PALLD: variants seen among roughly 807,000 people sequenced by gnomAD.
The protein encoded by PALLD is palladin, cytoskeletal associated protein, also known as palladin.
PALLD carries 61 observed loss-of-function variants against 123.5 expected under a neutral mutation model. The observed-to-expected ratio is 0.49, with a 90% confidence interval of 0.40 to 0.61. The LOEUF is 0.61. Ranked by LOEUF, PALLD falls within the 20% of genes least tolerant of loss-of-function variation. PALLD has a pLI of 0.00. For synonymous variants in PALLD, 465 were observed against 496.4 expected (o/e 0.94, Z 0.84); for missense variants, 1,273 against 1,377.0 (o/e 0.92, Z 1.20).
At chr4:168,888,126 G>T (rs550957947) in intron 10 of PALLD, among the ~76,000 whole-genome samples, 1 of 152,146 alleles carries the variant, frequency 6.6e-6, no homozygotes, top group African/African-American at 2.4e-5. Context: ...AACTATGCAC[G>T]TGTTTGTTAA....
chr4:168,610,535 C>G (rs1773629625), intron 2 of PALLD, among the ~76,000 whole-genome samples: 1 of 151,700 alleles, frequency 6.6e-6, no homozygotes, highest in Admixed American at 6.5e-5. Flanking sequence ...TTATCAGTCT[C>G]TCATGGAGCA....
intron 10 of PALLD, among the ~76,000 whole-genome samples, chr4:168,712,449 A>T (rs1203981496): frequency 6.6e-6 from 1 of 152,172 alleles, no homozygotes; most frequent in African/African-American, 2.4e-5. Flanking sequence ...CGCCCTTCAC[A>T]ACACAGGCTA....
chr4:168,592,201 G>A (rs1416525394), intron 2 of PALLD, among the ~76,000 whole-genome samples: 2 of 151,798 alleles, frequency 1.3e-5, no homozygotes, highest in Admixed American at 1.3e-4. Context: ...TAGATATGGG[G>A]TTTTAGCAGA....
At chr4:168,643,548 T>C (rs1206940436) in intron 2 of PALLD, among the ~76,000 whole-genome samples, 1 of 152,114 alleles carries the variant, frequency 6.6e-6, no homozygotes, top group Non-Finnish European at 1.5e-5. Flanking sequence ...ACCCAACACA[T>C]CCTGCCAATG....
rs78831537 is a variant in PALLD, at chr4:168,774,902, C to T, written c.1964+62979C>T. Among the ~76,000 whole-genome samples, 757 of 151,954 alleles carry T rather than the reference C, an allele frequency of 5.0e-3. 5 individuals are homozygous for T. The highest frequency in any genetic ancestry group is 0.017 in the African/African-American group (690 of 41,424). On this transcript the variant is annotated intron_variant, in intron 10 of 21. Transcript: ENST00000505667. ...AGGTTTTATATAAATGGAATCTTTC[C>T]GTATATACTCTTTTTGTTTGATTTC... is the stretch of plus-strand genomic sequence containing the variant.
chr4:168,561,264 T>TC (rs1767832963), intron 2 of PALLD, among the ~76,000 whole-genome samples: 2 of 151,994 alleles, frequency 1.3e-5, no homozygotes, highest in African/African-American at 2.4e-5. Flanking sequence ...TTCTTTTTTT[T>TC]TCTCTCTCTC....
chr4:168,807,633 T>C (rs1359427013), intron 10 of PALLD, among the ~76,000 whole-genome samples: 2 of 151,988 alleles, frequency 1.3e-5, no homozygotes, highest in Non-Finnish European at 2.9e-5. Flanking sequence ...GGTCTCAAAC[T>C]CCTGACCTCA....
chr4:168,736,938 A>T (rs940502175), intron 10 of PALLD, among the ~76,000 whole-genome samples: 3 of 152,224 alleles, frequency 2.0e-5, no homozygotes, highest in Admixed American at 6.5e-5. Flanking sequence ...ATTCAAAGAT[A>T]GGAAACGAGA....
chr4:168,532,980 G>T (rs1165553079), intron 2 of PALLD, among the ~76,000 whole-genome samples: 1 of 152,106 alleles, frequency 6.6e-6, no homozygotes, highest in Non-Finnish European at 1.5e-5. Flanking sequence ...AATTCTAAAA[G>T]CTTCTAAAGA....
chr4:168,512,119 G>C lies in PALLD; in HGVS notation c.615G>C (p.Leu205=), dbSNP rs748838534. The part of the protein sequence containing the change: ...GESSSPDSGY[L]SPKNQPSALL... ...CCTCGTCACCAGACAGTGGGTACCTGTCTCCTAAAAATCAGCCGTCAGCCC... is the reference window on the plus strand; with the variant it reads ...CCTCGTCACCAGACAGTGGGTACCTCTCTCCTAAAAATCAGCCGTCAGCCC... The change falls in exon 2 of 22, where the codon CTG becomes CTC. Residue 205 remains leucine (L), a synonymous_variant. Coordinates refer to ENST00000505667, the MANE Select transcript of PALLD (RefSeq NM_001166108.2). 21 of 1,614,088 alleles carry C rather than the reference G, an allele frequency of 1.3e-5. No homozygotes were observed. The highest frequency in any genetic ancestry group is 1.8e-5 in the Non-Finnish European group (21 of 1,180,044).
intron 3 of PALLD, among the ~76,000 whole-genome samples, chr4:168,668,579 A>G (rs1445159347): frequency 1.3e-5 from 2 of 152,198 alleles, no homozygotes; most frequent in Non-Finnish European, 2.9e-5. Flanking sequence ...GTTCCTTTTA[A>G]TGTAGAATGT....
intron 2 of PALLD, among the ~76,000 whole-genome samples, chr4:168,634,630 G>A (rs1412122668): frequency 1.3e-5 from 2 of 152,168 alleles, no homozygotes; most frequent in African/African-American, 2.4e-5. Flanking sequence ...ACTTGGTAGC[G>A]ACTCCCCGTC....
In PALLD at chr4:168,810,801, C is replaced by A. The variant is rs1319482069; in HGVS notation, c.1965-80121C>A. Among the ~76,000 whole-genome samples, 16 of 136,382 alleles carry A rather than the reference C, an allele frequency of 1.2e-4. No individual in the cohort carries two copies. The Admixed American group carries it at 1.2e-3, about 11-fold the overall frequency. The allele number at this position is 136,382 out of a possible 152,430, so 89.5% of individuals were successfully genotyped here. ...CCGCAGTCCGGCCTGGGCGACAGAG[C>A]GAGACTCCGTCTCAAAAAAAAAAAA... On this transcript the variant is annotated intron_variant, in intron 10 of 21. Coordinates refer to ENST00000505667, the MANE Select transcript of PALLD (RefSeq NM_001166108.2).
At chr4:168,639,514 A>G (rs6552978) in intron 2 of PALLD, among the ~76,000 whole-genome samples, 21,449 of 151,454 alleles carry the variant, frequency 0.14, 1,883 homozygotes, top group East Asian at 0.25. Flanking sequence ...TCACTCCTCA[A>G]TAGGCTACAA....
chr4:168,523,471 G>A (rs1003880817), intron 2 of PALLD, among the ~76,000 whole-genome samples: 2 of 152,152 alleles, frequency 1.3e-5, no homozygotes, highest in Non-Finnish European at 2.9e-5. Context: ...TGGACATCTA[G>A]GGAGATGAGA....
At chr4:168,583,117 T>C (rs2149660039) in intron 2 of PALLD, among the ~76,000 whole-genome samples, 1 of 152,258 alleles carries the variant, frequency 6.6e-6, no homozygotes, top group Admixed American at 6.5e-5. Context: ...ATATAGTCTT[T>C]AGGAACAAGA....
At chr4:168,632,527 TG>T (rs1416340898) in intron 2 of PALLD, among the ~76,000 whole-genome samples, 95 of 152,344 alleles carry the variant, frequency 6.2e-4, no homozygotes, top group African/African-American at 2.2e-3. Context: ...GGGTTTCACT[TG>T]ATTGCAGTTC....
intron 10 of PALLD, among the ~76,000 whole-genome samples, chr4:168,802,393 C>T (rs1035914271): frequency 1.3e-5 from 2 of 152,172 alleles, no homozygotes; most frequent in Non-Finnish European, 2.9e-5. Flanking sequence ...GAATACTATG[C>T]AGCCATAAAA....
intron 2 of PALLD, among the ~76,000 whole-genome samples, chr4:168,636,623 A>G (rs1776372408): frequency 6.6e-6 from 1 of 152,186 alleles, no homozygotes; most frequent in Non-Finnish European, 1.5e-5. Flanking sequence ...GGCCCAGAAA[A>G]TTACAGGCCA....
Sources: allele counts gnomAD v4.1 joint callset (sites outside exome capture counted in the v4.1 genomes callset), GRCh38; gene constraint gnomAD v4.1.1; transcripts MANE v1.5; gene names NCBI Gene and HGNC (gene_info 2026-07-23, HGNC 2026-07-21).